GPBP1L1: variants seen among roughly 807,000 people sequenced by gnomAD.
GPBP1L1 encodes the protein vasculin-like protein 1.
GPBP1L1 carries 23 observed loss-of-function variants against 52.5 expected under a neutral mutation model. That is an observed-to-expected ratio of 0.44 (90% CI 0.32 to 0.62). The LOEUF (loss-of-function observed/expected upper bound fraction) is 0.62. Ranked by LOEUF, GPBP1L1 falls within the 20% of genes least tolerant of loss-of-function variation. The probability of loss-of-function intolerance (pLI) is 0.06; values close to 1 mark genes in which losing one functional copy is unlikely to be tolerated. For synonymous variants in GPBP1L1, 243 were observed against 203.1 expected, an observed-to-expected ratio of 1.20 and a Z score of -1.67; for missense variants, 596 against 579.3, an observed-to-expected ratio of 1.03 and a Z score of -0.30.
chr1:45,628,898 G>T (rs1375863762), intron 12 of GPBP1L1, among the ~76,000 whole-genome samples: 1 of 152,148 alleles, frequency 6.6e-6, no homozygotes, highest in African/African-American at 2.4e-5. Flanking sequence ...TCCTGACCTC[G>T]TCATCTGCCT....
In GPBP1L1 at chr1:45,660,386, T is replaced by C. The variant is rs1644934437; in HGVS notation, c.-258A>G. On this transcript the variant is annotated 5_prime_UTR_variant, in exon 3 of 13. Coordinates refer to ENST00000355105, the MANE Select transcript of GPBP1L1 (RefSeq NM_021639.5). Reference sequence around the variant, plus strand: ...CTTAAACTATTTGGTTCCTGACACGTTTCCAAAAGGGGAAAGGGGAAAAGG... The same window carrying C: ...CTTAAACTATTTGGTTCCTGACACGCTTCCAAAAGGGGAAAGGGGAAAAGG... 3.0e-6 allele frequency: 3 copies of C among 984,444 alleles called. No individual in the cohort carries two copies. Among genetic ancestry groups the C allele is most frequent in the South Asian group, 9.4e-5 (2 of 21,230 alleles). 61.0% of individuals were successfully genotyped at this position (984,444 alleles called of 1,614,324 possible).
intron 4 of GPBP1L1, among the ~76,000 whole-genome samples, chr1:45,656,603 A>ACTAT (rs1335107991): frequency 6.6e-6 from 1 of 151,858 alleles, no homozygotes; most frequent in Non-Finnish European, 1.5e-5. Flanking sequence ...AAAACACAAC[A>ACTAT]CTATCACTTC....
intron 4 of GPBP1L1, chr1:45,658,683 A>C (rs1355755044): frequency 7.4e-6 from 2 of 271,356 alleles, no homozygotes; most frequent in Non-Finnish European, 1.4e-5. Context: ...TAATCCCAGC[A>C]CTTTGGGAAG....
intron 2 of GPBP1L1, among the ~76,000 whole-genome samples, chr1:45,666,977 T>C (rs1391010698): frequency 6.6e-6 from 1 of 152,226 alleles, no homozygotes; most frequent in African/African-American, 2.4e-5. Flanking sequence ...ATTCCACTTA[T>C]ATGAAACATC....
intron 6 of GPBP1L1, among the ~76,000 whole-genome samples, chr1:45,642,949 T>C (rs1423172652): frequency 6.6e-6 from 1 of 152,144 alleles, no homozygotes; most frequent in Non-Finnish European, 1.5e-5. Context: ...TGCCAAGGAC[T>C]GTGCTAGAAA....
At chr1:45,658,445 C>A (rs1180836613) in intron 4 of GPBP1L1, among the ~76,000 whole-genome samples, 1 of 151,720 alleles carries the variant, frequency 6.6e-6, no homozygotes, top group African/African-American at 2.4e-5. Flanking sequence ...ATGAGAAAAG[C>A]CTTAGGATAT....
intron 10 of GPBP1L1, among the ~76,000 whole-genome samples, chr1:45,631,986 T>C (rs1439746935): frequency 6.6e-6 from 1 of 152,000 alleles, no homozygotes; most frequent in Non-Finnish European, 1.5e-5. Flanking sequence ...TTTGGGAGGC[T>C]GAGGTGGGTG....
intron 4 of GPBP1L1, 75 bp downstream of exon 4, chr1:45,658,953 A>C: frequency 1.0e-6 from 1 of 996,948 alleles, no homozygotes; most frequent in Non-Finnish European, 1.6e-6. Flanking sequence ...AAACAAAATG[A>C]AACCAAAAAA....
chr1:45,627,992 T>A lies in GPBP1L1; in HGVS notation c.*264A>T, dbSNP rs1557690356. On this transcript the variant is annotated 3_prime_UTR_variant, in exon 13 of 13. Transcript: ENST00000355105. The stretch of plus-strand genomic sequence containing the variant: ...GCTCCTACCTGTGCATCGCCCCATA[T>A]ATACTGGGTGTGTATGTGTGTGTGT... 1 of 365,240 alleles carries A rather than the reference T, an allele frequency of 2.7e-6. No individual in the cohort carries two copies. The highest frequency in any genetic ancestry group is 5.4e-5 in the East Asian group (1 of 18,598). The allele number at this position is 365,240 out of a possible 1,614,324, so 22.6% of individuals were successfully genotyped here.
At chr1:45,683,201 GC>G (rs1645232477) in intron 2 of GPBP1L1, among the ~76,000 whole-genome samples, 2 of 135,844 alleles carry the variant, frequency 1.5e-5, no homozygotes, top group East Asian at 2.1e-4. Context: ...TTGAATATAG[GC>G]CTTTTTTTTT....
intron 2 of GPBP1L1, among the ~76,000 whole-genome samples, chr1:45,679,793 C>CT (rs1645190225): frequency 6.6e-6 from 1 of 150,828 alleles, no homozygotes; most frequent in Non-Finnish European, 1.5e-5. Flanking sequence ...TGGCTCATGC[C>CT]TGTAATCCCA....
chr1:45,660,353 C>T lies in GPBP1L1; in HGVS notation c.-225G>A. 3 of 985,074 alleles carry T rather than the reference C, an allele frequency of 3.0e-6. No individual in the cohort carries two copies. Among genetic ancestry groups the T allele is most frequent in the Non-Finnish European group, 2.4e-6 (2 of 829,872 alleles). The allele number at this position is 985,074 out of a possible 1,614,324, so 61.0% of individuals were successfully genotyped here. On this transcript the variant is annotated 5_prime_UTR_variant, in exon 3 of 13. Coordinates refer to ENST00000355105, the MANE Select transcript of GPBP1L1 (RefSeq NM_021639.5). Reference sequence around the variant, plus strand: ...TCGATCACTCTCTCAGTCCCCTCAACTGCTCATCTTAAACTATTTGGTTCC... The same window carrying T: ...TCGATCACTCTCTCAGTCCCCTCAATTGCTCATCTTAAACTATTTGGTTCC...
At chr1:45,661,762 C>T (rs966229776) in intron 2 of GPBP1L1, among the ~76,000 whole-genome samples, 1 of 152,112 alleles carries the variant, frequency 6.6e-6, no homozygotes, top group African/African-American at 2.4e-5. Context: ...CTGGAGTTTG[C>T]TTTTTTATAT....
At chr1:45,655,375 A>G (rs1452851400) in intron 4 of GPBP1L1, 56 bp from the exon 5 acceptor site, 4 of 1,572,450 alleles carry the variant, frequency 2.5e-6, no homozygotes, top group Admixed American at 3.4e-5. Flanking sequence ...GTCCTTTTCA[A>G]TATCTTAATA....
At chr1:45,686,973 A>C (rs1200624944), upstream of GPBP1L1, 1 of 152,424 alleles carries the variant, frequency 6.6e-6, no homozygotes, top group Non-Finnish European at 1.5e-5. Flanking sequence ...CCCCTTGGCC[A>C]GTGCGCGTCC....
chr1:45,655,517 T>A (rs1309929433), intron 4 of GPBP1L1, 198 bp from the exon 5 acceptor site: 1 of 469,312 alleles, frequency 2.1e-6, no homozygotes, highest in Non-Finnish European at 3.7e-6. Flanking sequence ...AATTGCTAAT[T>A]CACTTCCTTT....
At chr1:45,649,562 G>C (rs1156980730) in intron 6 of GPBP1L1, among the ~76,000 whole-genome samples, 1 of 151,778 alleles carries the variant, frequency 6.6e-6, no homozygotes, top group Non-Finnish European at 1.5e-5. Flanking sequence ...CCTATGATTA[G>C]ATCCAGGCAA....
chr1:45,680,248 T>TC lies in GPBP1L1; in HGVS notation c.-1098+5327_-1098+5328insG, dbSNP rs1290467310. Among the ~76,000 whole-genome samples, 256 of 150,792 alleles carry TC rather than the reference T, an allele frequency of 1.7e-3. 3 individuals carry two copies. The highest frequency in any genetic ancestry group is 5.5e-3 in the African/African-American group (225 of 41,000). On this transcript the variant is annotated intron_variant, in intron 2 of 12. Transcript: ENST00000355105. ...GATTGAGACACGCTTTTTTTTTTTTTTTTTTCTTGAGACAGAGTCTCGCTG... is the reference window on the plus strand; with the variant it reads ...GATTGAGACACGCTTTTTTTTTTTTTCTTTTTCTTGAGACAGAGTCTCGCTG...
chr1:45,658,929 G>A (rs1307287194), intron 4 of GPBP1L1, 99 bp downstream of exon 4: 2 of 812,394 alleles, frequency 2.5e-6, no homozygotes, highest in African/African-American at 3.4e-5. Flanking sequence ...GTGACAGAGG[G>A]AGACCCTGTC....
Sources: gnomAD v4.1 joint callset for allele counts (sites outside exome capture counted in the v4.1 genomes callset) on GRCh38, gnomAD v4.1.1 for gene constraint, MANE v1.5 for transcripts, NCBI Gene and HGNC (gene_info 2026-07-23, HGNC 2026-07-21) for gene names.